The following PHACTR1 variants were observed in gnomAD, a reference collection of about 807,000 sequenced individuals.
PHACTR1 encodes RPEL repeat containing 1.
PHACTR1 carries 16 observed loss-of-function variants against 69.2 expected under a neutral mutation model. That is an observed-to-expected ratio of 0.23 (90% confidence interval 0.16 to 0.35). The LOEUF (loss-of-function observed/expected upper bound fraction) is 0.35. Among genes scored for constraint, PHACTR1 ranks in the 10% least tolerant of loss-of-function variants. The probability of loss-of-function intolerance (pLI) is 1.00; values close to 1 mark genes in which losing one functional copy is unlikely to be tolerated. For missense variants in PHACTR1, 510 were observed against 734.7 expected (o/e 0.69, Z 3.54); for synonymous variants, 312 against 284.5 (o/e 1.10, Z -0.97).
In PHACTR1 at chr6:12,838,054, A is replaced by G. The variant is rs1182217592; in HGVS notation, c.250+88264A>G. The stretch of plus-strand genomic sequence containing the variant: ...GTAGGACTGAGGGACTTGGTTTCTC[A>G]CCTGCTGTCAGCTGGAGGATCCTCA... On this transcript the variant is annotated intron_variant, in intron 4 of 14. Transcript: ENST00000332995. Among the ~76,000 whole-genome samples the G allele has an allele frequency of 2.0e-5, 3 of 152,294 alleles. No individual in the cohort carries two copies. In the East Asian group the frequency reaches 5.8e-4, roughly 29 times the overall value.
At chr6:13,048,269 A>G (rs1805388592) in intron 4 of PHACTR1, among the ~76,000 whole-genome samples, 1 of 152,206 alleles carries the variant, frequency 6.6e-6, no homozygotes, top group Non-Finnish European at 1.5e-5. Flanking sequence ...CAACATGCTC[A>G]GTCCTGGCAG....
At chr6:13,230,872 G>A (rs917482881) in intron 10 of PHACTR1, among the ~76,000 whole-genome samples, 8 of 152,026 alleles carry the variant, frequency 5.3e-5, no homozygotes, top group African/African-American at 1.7e-4. Flanking sequence ...AAAAATTAGC[G>A]AGATGTGGTG....
At chr6:12,717,801 G>C (rs1016877346) in intron 2 of PHACTR1, 58 bp downstream of exon 2, 5 of 152,098 alleles carry the variant, frequency 3.3e-5, no homozygotes, top group African/African-American at 9.7e-5. Context: ...TGTCTTACCG[G>C]ACTTGGTTTC....
intron 4 of PHACTR1, among the ~76,000 whole-genome samples, chr6:13,005,431 T>C (rs956555416): frequency 6.6e-6 from 1 of 152,220 alleles, no homozygotes. Context: ...TCCTCTTAGC[T>C]TTTGATTTAC....
At chr6:12,929,942 A>G (rs1268429242) in intron 4 of PHACTR1, among the ~76,000 whole-genome samples, 1 of 152,180 alleles carries the variant, frequency 6.6e-6, no homozygotes, top group Non-Finnish European at 1.5e-5. Flanking sequence ...GCTATTGTCT[A>G]CAGAATTTTT....
Position 13,048,547 on chromosome 6 carries a change from T to TGTGTGTGA in PHACTR1, c.251-4817_251-4810dup, listed in dbSNP as rs551182259. 3.3e-4 allele frequency among the ~76,000 whole-genome samples: 50 copies of TGTGTGTGA among 152,040 alleles called. No individual in the cohort carries two copies. In the East Asian group the frequency reaches 7.9e-3, roughly 24 times the overall value. On this transcript the variant is annotated intron_variant, in intron 4 of 14. Coordinates refer to ENST00000332995, the MANE Select transcript of PHACTR1 (RefSeq NM_030948.6). The stretch of plus-strand genomic sequence containing the variant: ...TTGTGTGTGTGTGTGTGTGTGTGTG[T>TGTGTGTGA]GTGTGTGATGGAGTTTCACTTTTGT...
At chr6:13,155,057 T>C (rs768698808) in intron 5 of PHACTR1, among the ~76,000 whole-genome samples, 10 of 152,174 alleles carry the variant, frequency 6.6e-5, no homozygotes, top group African/African-American at 9.6e-5. Context: ...TGGAGCAGTG[T>C]TGAGCTTGTC....
At chr6:12,978,742 C>T (rs1178804148) in intron 4 of PHACTR1, among the ~76,000 whole-genome samples, 3 of 152,144 alleles carry the variant, frequency 2.0e-5, no homozygotes, top group Non-Finnish European at 4.4e-5. Context: ...TGCATGGGGT[C>T]GACTTCATAT....
In PHACTR1 at chr6:13,205,822, C is replaced by G; in HGVS notation, c.672C>G (p.Gly224=). 6.3e-7 allele frequency: 1 copy of G among 1,581,844 alleles called. No homozygotes were observed. Among genetic ancestry groups the G allele is most frequent in the Non-Finnish European group, 8.6e-7 (1 of 1,157,604 alleles). Residue 224 remains glycine (G), a synonymous_variant, in exon 8 of 15, where the codon GGC becomes GGG. Coordinates refer to ENST00000332995, the MANE Select transcript of PHACTR1 (RefSeq NM_030948.6). ...PSDIMDGPDP[G]APVKLPCLPV... is the part of the protein sequence containing the mutation. The stretch of plus-strand genomic sequence containing the variant: ...GCCCTCTTTCTGCCACAGATCCTGG[C>G]GCCCCTGTGAAATTGCCTTGTCTGC...
chr6:12,974,460 G>T (rs944929825), intron 4 of PHACTR1, among the ~76,000 whole-genome samples: 1 of 152,134 alleles, frequency 6.6e-6, no homozygotes, highest in African/African-American at 2.4e-5. Flanking sequence ...AAATGTCCCG[G>T]CCCGTTAACC....
chr6:13,160,549 G>A (rs1295024010), intron 6 of PHACTR1, among the ~76,000 whole-genome samples: 1 of 152,210 alleles, frequency 6.6e-6, no homozygotes, highest in Non-Finnish European at 1.5e-5. Flanking sequence ...GTGGCCCCGG[G>A]AATGATGCAG....
At chr6:12,932,330 C>T (rs561012199) in intron 4 of PHACTR1, among the ~76,000 whole-genome samples, 1 of 152,130 alleles carries the variant, frequency 6.6e-6, no homozygotes, top group Non-Finnish European at 1.5e-5. Flanking sequence ...CATTCATCAG[C>T]CTGTCTCTAT....
intron 3 of PHACTR1, among the ~76,000 whole-genome samples, chr6:12,731,672 T>G (rs1265271495): frequency 6.6e-6 from 1 of 152,342 alleles, no homozygotes; most frequent in South Asian, 2.1e-4. Flanking sequence ...ATTTTAGAGA[T>G]GAAGTAATCT....
chr6:13,001,572 C>T (rs577629106), intron 4 of PHACTR1, among the ~76,000 whole-genome samples: 3 of 152,312 alleles, frequency 2.0e-5, no homozygotes, highest in South Asian at 2.1e-4. Flanking sequence ...TTTCTCAAGG[C>T]TTCTCTGTAG....
At chr6:13,148,565 T>C (rs527540921) in intron 5 of PHACTR1, among the ~76,000 whole-genome samples, 1 of 152,308 alleles carries the variant, frequency 6.6e-6, no homozygotes, top group Non-Finnish European at 1.5e-5. Flanking sequence ...AAAATGAGGC[T>C]GTTTCCTTCC....
At chr6:13,234,033 C>T (rs965705760) in intron 10 of PHACTR1, among the ~76,000 whole-genome samples, 4 of 152,202 alleles carry the variant, frequency 2.6e-5, no homozygotes, top group African/African-American at 9.6e-5. Context: ...ATATCTATAC[C>T]TCAAGGTCAT....
chr6:12,749,876 C>G, intron 4 of PHACTR1, 86 bp downstream of exon 4: 1 of 1,286,632 alleles, frequency 7.8e-7, no homozygotes, highest in East Asian at 2.6e-5. Context: ...CCCGGGCGTC[C>G]TCCCCGCCGC....
intron 4 of PHACTR1, among the ~76,000 whole-genome samples, chr6:12,948,560 T>C (rs1214576277): frequency 6.6e-6 from 1 of 152,174 alleles, no homozygotes. Context: ...TCCTATGATA[T>C]AGGCTTTATT....
chr6:13,250,693 G>A (rs1364005651), intron 10 of PHACTR1, among the ~76,000 whole-genome samples: 3 of 152,316 alleles, frequency 2.0e-5, no homozygotes, highest in Non-Finnish European at 4.4e-5. Context: ...TCCTGTTTTT[G>A]CAGCTGAAGC....
Sources: gnomAD v4.1 joint callset for allele counts (sites outside exome capture counted in the v4.1 genomes callset) on GRCh38, gnomAD v4.1.1 for gene constraint, MANE v1.5 for transcripts, NCBI Gene and HGNC (gene_info 2026-07-23, HGNC 2026-07-21) for gene names.